The following CAMK4 variants were observed in gnomAD, a reference collection of about 807,000 sequenced individuals.
CAMK4 encodes the protein calcium/calmodulin dependent protein kinase IV.
In CAMK4, 22 loss-of-function variants were observed where a neutral mutation model predicts 44.9. The ratio of observed to expected loss-of-function variants is 0.49; its 90% CI spans 0.35 to 0.70. The LOEUF is 0.70. Among genes scored for constraint, CAMK4 ranks in the 30% least tolerant of loss-of-function variants. The probability of loss-of-function intolerance (pLI) is 0.01; values close to 1 mark genes in which losing one functional copy is unlikely to be tolerated. For synonymous variants in CAMK4, 218 were observed against 215.4 expected, an observed-to-expected ratio of 1.01 and a Z score of -0.11; for missense variants, 498 against 586.8, an observed-to-expected ratio of 0.85 and a Z score of 1.56.
rs1333971292 is a variant in CAMK4, at chr5:111,488,853, CTTAT to C, written c.*4390_*4393del. ...AATTAATCATAGTGCCATTATGTCA[CTTAT>C]TTGTCATTGCAAAGTATTCAGTCAT... On this transcript the variant is annotated 3_prime_UTR_variant, in exon 11 of 11. Transcript: ENST00000282356. 1.3e-5 allele frequency: 2 copies of C among 152,154 alleles called. No homozygotes were observed. The highest frequency in any genetic ancestry group is 2.9e-5 in the Non-Finnish European group (2 of 68,018). The allele number at this position is 152,154 out of a possible 1,614,324, so 9.4% of individuals were successfully genotyped here. A position where few individuals can be genotyped will look rare whatever the true frequency, so the allele number is the denominator to read the frequency against.
At chr5:111,298,630 C>A (rs1179850139) in intron 1 of CAMK4, among the ~76,000 whole-genome samples, 1 of 152,180 alleles carries the variant, frequency 6.6e-6, no homozygotes, top group Non-Finnish European at 1.5e-5. Context: ...GTGGTTCTAC[C>A]CCTTGGCAGT....
At chr5:111,309,132 C>G (rs371435961) in intron 1 of CAMK4, among the ~76,000 whole-genome samples, 1 of 152,204 alleles carries the variant, frequency 6.6e-6, no homozygotes, top group South Asian at 2.1e-4. Context: ...TCACAAGGCT[C>G]TGCTAGCTGA....
intron 1 of CAMK4, among the ~76,000 whole-genome samples, chr5:111,238,176 C>G (rs940884085): frequency 3.9e-5 from 6 of 152,172 alleles, no homozygotes; most frequent in African/African-American, 1.4e-4. Flanking sequence ...GCCCAGAGCA[C>G]TTCTCCGTCC....
intron 5 of CAMK4, among the ~76,000 whole-genome samples, chr5:111,410,569 T>C (rs1752597796): frequency 6.6e-6 from 1 of 152,182 alleles, no homozygotes; most frequent in Non-Finnish European, 1.5e-5. Flanking sequence ...GACCATAAAA[T>C]TTTTTTCCTT....
At chr5:111,249,103 T>G (rs1247456904) in intron 1 of CAMK4, among the ~76,000 whole-genome samples, 2 of 152,252 alleles carry the variant, frequency 1.3e-5, no homozygotes, top group Non-Finnish European at 2.9e-5. Flanking sequence ...ATAACCATTT[T>G]GATTGAATTC....
At chr5:111,421,243 C>T (rs1302034594) in intron 5 of CAMK4, among the ~76,000 whole-genome samples, 4 of 152,210 alleles carry the variant, frequency 2.6e-5, no homozygotes, top group African/African-American at 9.7e-5. Context: ...ATGTCATAGC[C>T]TATGTACACT....
intron 1 of CAMK4, among the ~76,000 whole-genome samples, chr5:111,273,608 C>G (rs1236426312): frequency 1.4e-5 from 2 of 143,118 alleles, no homozygotes; most frequent in Non-Finnish European, 3.1e-5. Context: ...TTTCTCTGTC[C>G]CAGAGTTTTT....
intron 2 of CAMK4, among the ~76,000 whole-genome samples, chr5:111,354,719 ATT>A (rs2112781262): frequency 1.3e-5 from 2 of 152,216 alleles, no homozygotes; most frequent in South Asian, 4.1e-4. Flanking sequence ...GTAAATAAAA[ATT>A]ACAAAATAAA....
chr5:111,269,095 C>G lies in CAMK4; in HGVS notation c.161+44451C>G, dbSNP rs571596945. Among the ~76,000 whole-genome samples the G allele has an allele frequency of 9.9e-5, 15 of 152,246 alleles. No homozygotes were observed. The South Asian group carries it at 3.1e-3, about 32-fold the overall frequency. Reference sequence around the variant, plus strand: ...AGTATTTTGATACCAATAATGATAACTTGGAAGAAATGCTTTTATAGTTTT... The same window carrying G: ...AGTATTTTGATACCAATAATGATAAGTTGGAAGAAATGCTTTTATAGTTTT... On this transcript the variant is annotated intron_variant, in intron 1 of 10. Coordinates refer to ENST00000282356, the MANE Select transcript of CAMK4 (RefSeq NM_001744.6).
intron 1 of CAMK4, among the ~76,000 whole-genome samples, chr5:111,333,102 A>G (rs1749241935): frequency 6.6e-6 from 1 of 151,696 alleles, no homozygotes; most frequent in Non-Finnish European, 1.5e-5. Flanking sequence ...ACAATGGTAT[A>G]TATTGCTTAT....
chr5:111,229,557 T>G (rs1220245478), intron 1 of CAMK4, among the ~76,000 whole-genome samples: 1 of 152,232 alleles, frequency 6.6e-6, no homozygotes, highest in Non-Finnish European at 1.5e-5. Flanking sequence ...TTCTCCTTTT[T>G]TTTGGTCAAC....
At chr5:111,340,759 A>G (rs933396160) in intron 1 of CAMK4, among the ~76,000 whole-genome samples, 1 of 151,188 alleles carries the variant, frequency 6.6e-6, no homozygotes, top group Non-Finnish European at 1.5e-5. Context: ...TTTTTGAAAG[A>G]GTTTGAGACG....
In CAMK4 at chr5:111,290,627, G is replaced by T. The variant is rs894880887; in HGVS notation, c.162-53397G>T. On this transcript the variant is annotated intron_variant, in intron 1 of 10. Coordinates refer to ENST00000282356, the MANE Select transcript of CAMK4 (RefSeq NM_001744.6). This position sits in a 1 kb window ranked among gnomAD's most constrained non-coding sequence, Gnocchi z 4.5. ...TTTTGTTCAGTGACTCTTGAGCTGG[G>T]CACAGACAAGCACTAAAAGGCGCTA... 6.6e-6 allele frequency among the ~76,000 whole-genome samples: 1 copy of T among 152,136 alleles called. No homozygotes were observed. The highest frequency in any genetic ancestry group is 6.6e-5 in the Admixed American group (1 of 15,262).
rs567216886 is a variant in CAMK4, at chr5:111,296,032, A to T, written c.162-47992A>T. Among the ~76,000 whole-genome samples the T allele has an allele frequency of 2.6e-5, 4 of 152,352 alleles. 1 individual carries two copies. The South Asian group carries it at 8.3e-4, about 32-fold the overall frequency. On this transcript the variant is annotated intron_variant, in intron 1 of 10. Coordinates refer to ENST00000282356, the MANE Select transcript of CAMK4 (RefSeq NM_001744.6). ...ATTCTCCTAGCTTTTTCATTTAGAA[A>T]GAAATAACTTATGTATTCTTTCAGG...
chr5:111,430,195 C>G (rs546555787), intron 5 of CAMK4, among the ~76,000 whole-genome samples: 2 of 152,034 alleles, frequency 1.3e-5, no homozygotes, highest in Non-Finnish European at 2.9e-5. Context: ...CATGTCATAT[C>G]AACAGAATGA....
chr5:111,442,787 T>A (rs1480087186), intron 5 of CAMK4, among the ~76,000 whole-genome samples: 15 of 148,396 alleles, frequency 1.0e-4, no homozygotes. Flanking sequence ...TATATCTTAT[T>A]AACATAATAT....
chr5:111,254,113 C>T (rs1001360512), intron 1 of CAMK4, among the ~76,000 whole-genome samples: 1 of 152,126 alleles, frequency 6.6e-6, no homozygotes, highest in African/African-American at 2.4e-5. Flanking sequence ...TGATTATTCC[C>T]GCACATGGAT....
At chr5:111,235,350 A>T (rs1006978912) in intron 1 of CAMK4, among the ~76,000 whole-genome samples, 2 of 152,174 alleles carry the variant, frequency 1.3e-5, no homozygotes, top group Non-Finnish European at 2.9e-5. Context: ...ATGCTATTAA[A>T]TGTGACCAAA....
intron 1 of CAMK4, among the ~76,000 whole-genome samples, chr5:111,308,279 A>G (rs1214519925): frequency 1.3e-5 from 2 of 152,144 alleles, no homozygotes; most frequent in Non-Finnish European, 2.9e-5. Context: ...AAATGTATCA[A>G]AACTAGTTCT....
Sources: gnomAD v4.1 joint callset for allele counts (sites outside exome capture counted in the v4.1 genomes callset) on GRCh38, gnomAD v4.1.1 for gene constraint, Gnocchi (gnomAD v3.1) non-coding constraint, MANE v1.5 for transcripts, NCBI Gene and HGNC (gene_info 2026-07-23, HGNC 2026-07-21) for gene names.